NOL4: variants seen among roughly 807,000 people sequenced by gnomAD.
The protein encoded by NOL4 is nucleolar protein 4, also known as cancer/testis antigen 125.
Under a neutral mutation model 75.9 loss-of-function variants are expected in NOL4, and 17 were observed. The ratio of observed to expected loss-of-function variants is 0.22; its 90% CI spans 0.15 to 0.34. The LOEUF (loss-of-function observed/expected upper bound fraction) is 0.34. Among genes scored for constraint, NOL4 ranks in the 10% least tolerant of loss-of-function variants. NOL4 has a pLI of 1.00. For synonymous variants in NOL4, 292 were observed against 289.9 expected, an observed-to-expected ratio of 1.01 and a Z score of -0.07; for missense variants, 614 against 793.5, an observed-to-expected ratio of 0.77 and a Z score of 2.72.
At chr18:34,083,991 G>T (rs930500211) in intron 5 of NOL4, among the ~76,000 whole-genome samples, 3 of 152,158 alleles carry the variant, frequency 2.0e-5, no homozygotes, top group East Asian at 1.9e-4. Flanking sequence ...GCCCCTGGAG[G>T]TATCACCAGT....
At chr18:34,042,156 A>AC (rs1033681851) in intron 5 of NOL4, among the ~76,000 whole-genome samples, 2 of 151,950 alleles carry the variant, frequency 1.3e-5, no homozygotes, top group Admixed American at 1.3e-4. Context: ...TTAAGAGCTG[A>AC]CTATACACTT....
chr18:34,024,194 A>AAAAAAATATATATATATAT, intron 5 of NOL4, among the ~76,000 whole-genome samples: 2 of 70,694 alleles, frequency 2.8e-5, no homozygotes, highest in Admixed American at 1.3e-4. Context: ...AAAAAAAAAA[A>AAAAAAATATATATATATAT]ATATATATAT....
chr18:34,035,850 A>G (rs532311291), intron 5 of NOL4, among the ~76,000 whole-genome samples: 57 of 152,280 alleles, frequency 3.7e-4, no homozygotes, highest in African/African-American at 1.3e-3. Flanking sequence ...ATGAACAACT[A>G]TATGCTAACA....
rs77603959 is a variant in NOL4 at position 33,896,816 on chromosome 18, C to G, written c.1543-13392G>C. ...GCTTCTCCACTGCAAAAGAAACTAT[C>G]AACAGAGTAAACAGACAACCTACAG... On this transcript the variant is annotated intron_variant, in intron 9 of 10. Coordinates refer to ENST00000261592, the MANE Select transcript of NOL4 (RefSeq NM_003787.5). Among the ~76,000 whole-genome samples, 1,425 of 152,222 alleles carry G rather than the reference C, an allele frequency of 9.4e-3. 24 individuals are homozygous for G. The highest frequency in any genetic ancestry group is 0.032 in the African/African-American group (1,333 of 41,536).
intron 6 of NOL4, among the ~76,000 whole-genome samples, chr18:33,960,970 T>C (rs151039740): frequency 1.6e-3 from 248 of 152,188 alleles, no homozygotes; most frequent in African/African-American, 5.6e-3. Flanking sequence ...TAATAGAATA[T>C]ATGTATTTTA....
intron 9 of NOL4, among the ~76,000 whole-genome samples, chr18:33,927,331 G>C (rs568411258): frequency 1.1e-4 from 16 of 152,282 alleles, no homozygotes; most frequent in African/African-American, 4.8e-5. Context: ...AATGTAACTT[G>C]GGTTTTGGTC....
At chr18:33,946,036 T>C (rs2068811320) in intron 8 of NOL4, among the ~76,000 whole-genome samples, 1 of 151,664 alleles carries the variant, frequency 6.6e-6, no homozygotes, top group Non-Finnish European at 1.5e-5. Flanking sequence ...AAAAATTCTT[T>C]AAAAAATCTG....
At chr18:34,072,088 G>A (rs536558588) in intron 5 of NOL4, among the ~76,000 whole-genome samples, 35 of 152,080 alleles carry the variant, frequency 2.3e-4, no homozygotes, top group Middle Eastern at 3.4e-3. Context: ...AAAATTAGCC[G>A]GGCGTGGTGG....
chr18:34,194,859 T>C (rs2035208824), intron 1 of NOL4, among the ~76,000 whole-genome samples: 2 of 152,050 alleles, frequency 1.3e-5, no homozygotes, highest in East Asian at 1.9e-4. Context: ...ACTTCATCTC[T>C]ACTAAAAATA....
chr18:34,080,260 C>T (rs1256033082), intron 5 of NOL4, among the ~76,000 whole-genome samples: 2 of 152,140 alleles, frequency 1.3e-5, no homozygotes, highest in Non-Finnish European at 2.9e-5. Context: ...GACTCCTCTT[C>T]CAGTTTGTAG....
At chr18:33,977,667 G>A (rs1186920241) in intron 6 of NOL4, among the ~76,000 whole-genome samples, 3 of 152,068 alleles carry the variant, frequency 2.0e-5, no homozygotes, top group African/African-American at 7.2e-5. Flanking sequence ...TCGAATACAA[G>A]GTTTAACTGA....
intron 9 of NOL4, among the ~76,000 whole-genome samples, chr18:33,938,342 A>C (rs2068207919): frequency 6.6e-6 from 1 of 152,084 alleles, no homozygotes; most frequent in Admixed American, 6.6e-5. Flanking sequence ...ATTATTCCCC[A>C]CAATTCCAAA....
chr18:34,044,192 C>G (rs1402943310), intron 5 of NOL4, among the ~76,000 whole-genome samples: 2 of 151,922 alleles, frequency 1.3e-5, no homozygotes, highest in Non-Finnish European at 2.9e-5. Flanking sequence ...AAGTACCAAA[C>G]AACTGTTAAT....
At chr18:34,184,523 G>A (rs2034305777) in intron 1 of NOL4, among the ~76,000 whole-genome samples, 1 of 151,984 alleles carries the variant, frequency 6.6e-6, no homozygotes, top group Non-Finnish European at 1.5e-5. Flanking sequence ...TTGGAAAGTG[G>A]GAGTGGTTAT....
chr18:34,027,718 A>C (rs550912209), intron 5 of NOL4, among the ~76,000 whole-genome samples: 1 of 152,320 alleles, frequency 6.6e-6, no homozygotes, highest in South Asian at 2.1e-4. Context: ...TTACTTTAAC[A>C]GTTCTTTGTG....
rs1162445594 is a variant in NOL4 at position 33,851,726 on chromosome 18, A to C, written c.*1116T>G. The C allele has an allele frequency of 6.6e-6, 1 of 152,484 alleles. No individual in the cohort carries two copies. Among genetic ancestry groups the C allele is most frequent in the Non-Finnish European group, 1.5e-5 (1 of 68,008 alleles). 9.4% of individuals were successfully genotyped at this position (152,484 alleles called of 1,614,324 possible). ...GGTAAAGTATGGGGGATAGGAGGGCACAGTTCATTGTAAGTTGCAGCTGCA... is the reference window on the plus strand; with the variant it reads ...GGTAAAGTATGGGGGATAGGAGGGCCCAGTTCATTGTAAGTTGCAGCTGCA... On this transcript the variant is annotated 3_prime_UTR_variant, in exon 11 of 11. Coordinates refer to ENST00000261592, the MANE Select transcript of NOL4 (RefSeq NM_003787.5).
chr18:33,879,812 T>C (rs2064151235), intron 10 of NOL4, among the ~76,000 whole-genome samples: 2 of 152,122 alleles, frequency 1.3e-5, no homozygotes, highest in Non-Finnish European at 2.9e-5. Flanking sequence ...TAAATGACAG[T>C]GCACTAAATA....
At chr18:33,870,740 A>C (rs1044639474) in intron 10 of NOL4, among the ~76,000 whole-genome samples, 3 of 152,076 alleles carry the variant, frequency 2.0e-5, no homozygotes, top group East Asian at 1.9e-4. Context: ...CAAATAACAC[A>C]AAAGACATAA....
At chr18:34,062,377 A>T (rs2077098898) in intron 5 of NOL4, among the ~76,000 whole-genome samples, 1 of 152,094 alleles carries the variant, frequency 6.6e-6, no homozygotes, top group African/African-American at 2.4e-5. Context: ...TGTAACACTG[A>T]ATAATGCTAG....
Sources: gnomAD v4.1 joint callset for allele counts (sites outside exome capture counted in the v4.1 genomes callset) on GRCh38, gnomAD v4.1.1 for gene constraint, MANE v1.5 for transcripts, NCBI Gene and HGNC (gene_info 2026-07-23, HGNC 2026-07-21) for gene names.